HIF3A: variants seen among roughly 807,000 people sequenced by gnomAD.
The protein encoded by HIF3A is hypoxia-inducible factor 3-alpha.
HIF3A carries 41 observed loss-of-function variants against 67.2 expected under a neutral mutation model. The observed-to-expected ratio is 0.61, with a 90% CI of 0.48 to 0.79. The LOEUF is 0.79. Among genes scored for constraint, HIF3A ranks in the 30% least tolerant of loss-of-function variants. The pLI is 0.00. For synonymous variants in HIF3A, 356 were observed against 374.8 expected (o/e 0.95, Z 0.58); for missense variants, 855 against 898.0 (o/e 0.95, Z 0.61).
At chr19:46,325,444 C>T in intron 10 of HIF3A, 91 bp from the exon 11 acceptor site, 1 of 863,998 alleles carries the variant, frequency 1.2e-6, no homozygotes, top group Non-Finnish European at 1.9e-6. Flanking sequence ...GGCATTTGAT[C>T]CCCACTTCTA....
At chr19:46,305,441 G>A in intron 3 of HIF3A, 51 bp downstream of exon 3, 13 of 1,571,300 alleles carry the variant, frequency 8.3e-6, no homozygotes, top group Non-Finnish European at 1.1e-5. Flanking sequence ...TGATGCTGGG[G>A]ATACAGTGGT....
At chr19:46,322,981 G>C (rs141685822) in intron 10 of HIF3A, among the ~76,000 whole-genome samples, 451 of 152,108 alleles carry the variant, frequency 3.0e-3, no homozygotes, top group African/African-American at 0.01. Flanking sequence ...TTTTATGGAA[G>C]CTTCATGACA....
intron 6 of HIF3A, among the ~76,000 whole-genome samples, chr19:46,309,930 A>C (rs1454765906): frequency 6.6e-6 from 1 of 151,998 alleles, no homozygotes; most frequent in African/African-American, 2.4e-5. Flanking sequence ...CTACAAAAAA[A>C]TTAGCCAAGT....
At position 46,309,236 on chromosome 19, in the gene HIF3A, T is replaced by C; in HGVS notation, c.647T>C (p.Leu216Pro). 6.2e-7 allele frequency: 1 copy of C among 1,614,066 alleles called. No individual in the cohort carries two copies. Among genetic ancestry groups the C allele is most frequent in the Non-Finnish European group, 8.5e-7 (1 of 1,179,946 alleles). Residue 216 changes from leucine to proline, a missense_variant, in exon 6 of 15, where the codon CTG becomes CCG. This residue lies in a region of HIF3A where 638 missense variants were observed against 660.5 expected (regional missense o/e 0.97). Transcript: ENST00000377670. ...PAGSPDSEPP[L>P]QCLVLICEAI... ...GGGAGCCCTGACTCAGAGCCCCCGC[T>C]GCAGTGCCTGGTGCTCATCTGCGAA... is the stretch of plus-strand genomic sequence containing the variant.
chr19:46,338,610 A>C, intron 14 of HIF3A: 1 of 824,676 alleles, frequency 1.2e-6, no homozygotes, highest in Non-Finnish European at 1.5e-6. Flanking sequence ...AGTACTAGTT[A>C]TGGTTCAAAA....
chr19:46,333,698 C>G (rs1207123865), intron 13 of HIF3A, among the ~76,000 whole-genome samples: 2 of 151,830 alleles, frequency 1.3e-5, no homozygotes, highest in Non-Finnish European at 2.9e-5. Flanking sequence ...CATCCCTTAA[C>G]TACTGCACCA....
chr19:46,311,201 CT>C (rs1359584549), intron 6 of HIF3A, among the ~76,000 whole-genome samples: 2 of 152,140 alleles, frequency 1.3e-5, no homozygotes, highest in African/African-American at 4.8e-5. Flanking sequence ...CTTCTCTTCC[CT>C]TGTATTAGTT....
At chr19:46,331,356 G>A (rs765726077) in intron 13 of HIF3A, 83 bp downstream of exon 13, 2 of 1,083,738 alleles carry the variant, frequency 1.8e-6, no homozygotes, top group Non-Finnish European at 2.8e-6. Flanking sequence ...GGAAACCAGA[G>A]AGGGGCAGGG....
chr19:46,311,568 G>A (rs1969424875), intron 6 of HIF3A, among the ~76,000 whole-genome samples: 1 of 152,138 alleles, frequency 6.6e-6, no homozygotes, highest in Non-Finnish European at 1.5e-5. Context: ...CCTATCTCAA[G>A]ACTAACGTTA....
chr19:46,316,524 C>T (rs939959262), intron 8 of HIF3A, among the ~76,000 whole-genome samples: 3 of 151,378 alleles, frequency 2.0e-5, no homozygotes, highest in East Asian at 3.9e-4. Flanking sequence ...GCTTTTCGGT[C>T]GTGCGCAGTG....
chr19:46,304,952 G>C, intron 2 of HIF3A: 2 of 472,876 alleles, frequency 4.2e-6, no homozygotes, highest in Non-Finnish European at 7.8e-6. Context: ...CATCCACTTA[G>C]AATTCTGTCC....
At position 46,329,081 on chromosome 19, in the gene HIF3A, A is replaced by T. The variant is rs1970993782; in HGVS notation, c.1441-126A>T. 3 of 878,752 alleles carry T rather than the reference A, an allele frequency of 3.4e-6. No homozygotes were observed. In the African/African-American group the frequency reaches 5.1e-5, roughly 15 times the overall value. The allele number at this position is 878,752 out of a possible 1,614,324, so 54.4% of individuals were successfully genotyped here. ...GGGAGTCCTTATACCCATTTTACAG[A>T]TGAGGAAACTGAAGCTCAGACTGTT... On this transcript the variant is annotated intron_variant, in intron 11 of 14. Transcript: ENST00000377670.
At chr19:46,316,200 C>T (rs1233597889) in intron 8 of HIF3A, among the ~76,000 whole-genome samples, 2 of 151,978 alleles carry the variant, frequency 1.3e-5, no homozygotes, top group Admixed American at 6.6e-5. Flanking sequence ...CACTGCACTC[C>T]AGCCTGGGCG....
At chr19:46,322,641 A>G (rs961268348) in intron 10 of HIF3A, among the ~76,000 whole-genome samples, 1 of 151,982 alleles carries the variant, frequency 6.6e-6, no homozygotes, top group Admixed American at 6.6e-5. Context: ...GGGTTTCACC[A>G]TGTTGGCCAG....
At chr19:46,323,558 A>T (rs1395475396) in intron 10 of HIF3A, among the ~76,000 whole-genome samples, 2 of 152,092 alleles carry the variant, frequency 1.3e-5, no homozygotes, top group Non-Finnish European at 2.9e-5. Context: ...CGGCCATGGG[A>T]GTTTGACCCA....
rs750527286 is a variant in HIF3A at position 46,325,639 on chromosome 19, G to A, written c.1440G>A (p.Gln480=). ...EAVETDLDIA[Q]DADALDLEML... is the part of the protein sequence containing the mutation. ...TGGAGACAGATTTAGATATAGCTCA[G>A]GTAAGGGCTGGCATGGAAGGGAGTA... The change falls in exon 11 of 15, where the codon CAG becomes CAA. Residue 480 remains glutamine, a splice_region_variant and synonymous_variant. Transcript: ENST00000377670. 2 of 1,597,462 alleles carry A rather than the reference G, an allele frequency of 1.3e-6. No homozygotes were observed. The highest frequency in any genetic ancestry group is 1.7e-6 in the Non-Finnish European group (2 of 1,165,632).
chr19:46,314,238 C>T (rs1174638360), intron 8 of HIF3A, among the ~76,000 whole-genome samples: 2 of 147,628 alleles, frequency 1.4e-5, no homozygotes, highest in Non-Finnish European at 3.0e-5. Context: ...CATGGCTGGG[C>T]ACAGTGGCTC....
intron 8 of HIF3A, chr19:46,312,868 T>A (rs973677057): frequency 8.5e-7 from 1 of 1,177,442 alleles, no homozygotes; most frequent in Admixed American, 4.7e-5. Context: ...TGTGTATGGG[T>A]GTGTAGACTG....
intron 14 of HIF3A, among the ~76,000 whole-genome samples, chr19:46,337,120 G>A (rs1232559665): frequency 6.6e-6 from 1 of 152,178 alleles, no homozygotes; most frequent in African/African-American, 2.4e-5. Context: ...GTATGATCAG[G>A]GTGGTTTCAT....
Sources: allele counts gnomAD v4.1 joint callset (sites outside exome capture counted in the v4.1 genomes callset), GRCh38; gene constraint gnomAD v4.1.1; regional missense constraint gnomAD v4.1.1; transcripts MANE v1.5; gene names NCBI Gene and HGNC (gene_info 2026-07-23, HGNC 2026-07-21).